Variants in KIF16B observed in about 807,000 individuals in gnomAD.
KIF16B encodes the protein kinesin-like protein KIF16B.
Under a neutral mutation model 156.3 loss-of-function variants are expected in KIF16B, and 98 were observed. That is an observed-to-expected ratio of 0.63 (90% CI 0.53 to 0.74). KIF16B has a LOEUF of 0.74. KIF16B is among the 30% of genes least tolerant of loss of function. The probability of loss-of-function intolerance (pLI) is 0.00; values close to 1 mark genes in which losing one functional copy is unlikely to be tolerated. For synonymous variants in KIF16B, 564 were observed against 583.7 expected, an observed-to-expected ratio of 0.97 and a Z score of 0.49; for missense variants, 1,421 against 1,606.5, an observed-to-expected ratio of 0.88 and a Z score of 1.97.
intron 12 of KIF16B, among the ~76,000 whole-genome samples, chr20:16,456,390 C>G (rs1218962408): frequency 6.6e-6 from 1 of 152,026 alleles, no homozygotes; most frequent in Admixed American, 6.6e-5. Context: ...AGAAAAGGCC[C>G]TCCATATCCT....
chr20:16,481,174 G>C (rs1300377789), intron 12 of KIF16B, among the ~76,000 whole-genome samples: 1 of 152,186 alleles, frequency 6.6e-6, no homozygotes, highest in Non-Finnish European at 1.5e-5. Context: ...AAGATCCCCA[G>C]TGATTCTGAG....
At chr20:16,494,128 A>G (rs2068377096) in intron 12 of KIF16B, among the ~76,000 whole-genome samples, 163 bp downstream of exon 12, 1 of 152,090 alleles carries the variant, frequency 6.6e-6, no homozygotes, top group South Asian at 2.1e-4. Flanking sequence ...TCACTCTTCA[A>G]AATCAAACCA....
At chr20:16,524,383 T>G (rs550234658) in intron 3 of KIF16B, among the ~76,000 whole-genome samples, 1 of 152,224 alleles carries the variant, frequency 6.6e-6, no homozygotes, top group East Asian at 1.9e-4. Context: ...CAGACACTTC[T>G]CAAAAGAAGA....
At chr20:16,496,043 C>A (rs529989741) in intron 11 of KIF16B, among the ~76,000 whole-genome samples, 1 of 152,310 alleles carries the variant, frequency 6.6e-6, no homozygotes, top group Admixed American at 6.5e-5. Flanking sequence ...TAAACCAGTT[C>A]TACACTCCAG....
In KIF16B at chr20:16,494,231, A is replaced by G. The variant is rs182599344; in HGVS notation, c.1302+60T>C. On this transcript the variant is annotated intron_variant, in intron 12 of 25. Coordinates refer to ENST00000354981, the MANE Select transcript of KIF16B (RefSeq NM_024704.5). ...CATGTTTGGAGATTAAAAAAAAAAA[A>G]AAAAGTTTTACCAGTTTAATCCACC... is the stretch of plus-strand genomic sequence containing the variant. The G allele has an allele frequency of 2.2e-5, 23 of 1,046,874 alleles. No individual in the cohort carries two copies. In the East Asian group the frequency reaches 3.2e-4, roughly 15 times the overall value. The allele number at this position is 1,046,874 out of a possible 1,614,324, so 64.8% of individuals were successfully genotyped here.
chr20:16,501,048 AG>A (rs2068606590), intron 10 of KIF16B, among the ~76,000 whole-genome samples: 1 of 152,182 alleles, frequency 6.6e-6, no homozygotes. Flanking sequence ...ATAATAAAAG[AG>A]AATAAAACCT....
chr20:16,504,433 A>C lies in KIF16B; in HGVS notation c.1115T>G (p.Leu372Arg), dbSNP rs2068715908. The C allele has an allele frequency of 1.2e-6, 2 of 1,614,130 alleles. No individual in the cohort carries two copies. The highest frequency in any genetic ancestry group is 1.7e-6 in the Non-Finnish European group (2 of 1,179,974). The change falls in exon 10 of 26, where the codon CTT (leucine) becomes CGT (arginine). Residue 372 changes from leucine (L) to arginine (R), a missense_variant. Leu to Arg is a moderately radical substitution (Grantham distance 102, BLOSUM62 -2). Transcript: ENST00000354981. ...TATTTCAGCTCGCAGCTCACGGATA[A>C]GTTTGACGTTGGCATCCTCATTAAT... The part of the protein sequence containing the change: ...PTINEDANVK[L>R]IRELRAEIAR...
At position 16,443,179 on chromosome 20, in the gene KIF16B, A is replaced by G. The variant is rs370031668; in HGVS notation, c.1303-13197T>C. The stretch of plus-strand genomic sequence containing the variant: ...CTTTTTATGGAGAAGAGAGAATATA[A>G]CCCCCTTCCACCTTGTATTAATCAA... On this transcript the variant is annotated intron_variant, in intron 12 of 25. Transcript: ENST00000354981. Among the ~76,000 whole-genome samples the G allele has an allele frequency of 3.9e-5, 6 of 152,208 alleles. No individual in the cohort carries two copies. In the East Asian group the frequency reaches 1.2e-3, roughly 29 times the overall value.
intron 1 of KIF16B, among the ~76,000 whole-genome samples, chr20:16,535,837 G>T (rs2069938314): frequency 6.6e-6 from 1 of 152,100 alleles, no homozygotes; most frequent in Admixed American, 6.6e-5. Flanking sequence ...AAAAAGACAA[G>T]AAATAACAGA....
intron 25 of KIF16B, among the ~76,000 whole-genome samples, chr20:16,278,698 C>T (rs116594106): frequency 3.0e-4 from 46 of 152,262 alleles, no homozygotes; most frequent in African/African-American, 1.1e-3. Flanking sequence ...CTGTACAGGA[C>T]TATGAGCTTT....
At chr20:16,479,864 T>C (rs1010335082) in intron 12 of KIF16B, among the ~76,000 whole-genome samples, 1 of 152,194 alleles carries the variant, frequency 6.6e-6, no homozygotes, top group Non-Finnish European at 1.5e-5. Flanking sequence ...GACACGTTTC[T>C]TAGAACACAT....
intron 15 of KIF16B, among the ~76,000 whole-genome samples, chr20:16,413,262 G>A (rs1011905187): frequency 1.7e-4 from 26 of 152,204 alleles, no homozygotes; most frequent in African/African-American, 6.3e-4. Context: ...AGTCTTCAGA[G>A]GGGATGGAGG....
At chr20:16,546,823 C>T (rs1463771282) in intron 1 of KIF16B, among the ~76,000 whole-genome samples, 1 of 152,114 alleles carries the variant, frequency 6.6e-6, no homozygotes, top group Non-Finnish European at 1.5e-5. Flanking sequence ...GTTGCCCAGG[C>T]TGGAGTGCAG....
chr20:16,476,726 G>A (rs1470393769), intron 12 of KIF16B, among the ~76,000 whole-genome samples: 2 of 152,074 alleles, frequency 1.3e-5, no homozygotes, highest in Non-Finnish European at 2.9e-5. Context: ...GTATCATTCC[G>A]GTTATGACAA....
chr20:16,327,946 A>G (rs2063884522), intron 24 of KIF16B, among the ~76,000 whole-genome samples: 1 of 152,164 alleles, frequency 6.6e-6, no homozygotes, highest in Non-Finnish European at 1.5e-5. Flanking sequence ...CAATTTTTAT[A>G]TTAAACTTGA....
intron 14 of KIF16B, among the ~76,000 whole-genome samples, chr20:16,427,909 T>C (rs908226790): frequency 2.6e-5 from 4 of 152,180 alleles, no homozygotes; most frequent in African/African-American, 9.6e-5. Flanking sequence ...CAAATAAGCC[T>C]ACATGATTTT....
chr20:16,275,398 T>C (rs2063046227), intron 25 of KIF16B, among the ~76,000 whole-genome samples: 1 of 152,202 alleles, frequency 6.6e-6, no homozygotes, highest in Non-Finnish European at 1.5e-5. Flanking sequence ...TCATGAGTGC[T>C]GACCCATGTG....
intron 11 of KIF16B, among the ~76,000 whole-genome samples, chr20:16,497,317 C>T (rs2068479156): frequency 6.6e-6 from 1 of 152,260 alleles, no homozygotes; most frequent in African/African-American, 2.4e-5. Context: ...CTCCCTCAAA[C>T]AGGGACTCCA....
intron 17 of KIF16B, among the ~76,000 whole-genome samples, chr20:16,404,048 C>T (rs1368987281): frequency 3.3e-5 from 5 of 152,142 alleles, no homozygotes; most frequent in East Asian, 1.9e-4. Flanking sequence ...TAAAAGATCA[C>T]GGATTCAAGG....
Sources: allele counts gnomAD v4.1 joint callset (sites outside exome capture counted in the v4.1 genomes callset), GRCh38; gene constraint gnomAD v4.1.1; transcripts MANE v1.5; gene names NCBI Gene and HGNC (gene_info 2026-07-23, HGNC 2026-07-21).